The following DEUP1 variants were observed in gnomAD, a reference collection of about 807,000 sequenced individuals.
DEUP1 encodes deuterosome assembly protein 1.
A neutral mutation model predicts 87.4 loss-of-function variants in DEUP1; 82 were observed. That is an observed-to-expected ratio of 0.94 (90% CI 0.78 to 1.13). The LOEUF is 1.13. DEUP1 is among the 50% of genes most tolerant of loss of function. The pLI is 0.00. For missense variants in DEUP1, 663 were observed against 681.5 expected, an observed-to-expected ratio of 0.97 and a Z score of 0.30; for synonymous variants, 214 against 222.7, an observed-to-expected ratio of 0.96 and a Z score of 0.35.
chr11:93,363,375 T>C (rs1945269710), intron 4 of DEUP1, among the ~76,000 whole-genome samples: 1 of 151,858 alleles, frequency 6.6e-6, no homozygotes, highest in Non-Finnish European at 1.5e-5. Context: ...CCAATTTCAA[T>C]TTCCTGGGTT....
Position 93,371,071 on chromosome 11 carries a change from G to A in DEUP1, c.580G>A (p.Gly194Ser). The change falls in exon 7 of 14, where the codon GGT (glycine) becomes AGT (serine). Residue 194 changes from glycine (G) to serine (S), a missense_variant. Coordinates refer to ENST00000298050, the MANE Select transcript of DEUP1 (RefSeq NM_181645.4). ...ACAAAGTTACCAAACTCAACTAAAT[G>A]GTAAAAAACAGTGCTTAGAAGACAG... ...QAQSYQTQLNGKKQCLEDSSS... is the reference protein window; with the variant it reads ...QAQSYQTQLNSKKQCLEDSSS... 1 of 1,611,696 alleles carries A rather than the reference G, an allele frequency of 6.2e-7. No individual in the cohort carries two copies. Among genetic ancestry groups the A allele is most frequent in the African/African-American group, 1.3e-5 (1 of 74,932 alleles).
intron 12 of DEUP1, among the ~76,000 whole-genome samples, chr11:93,412,525 T>A (rs1197103380): frequency 6.6e-6 from 1 of 152,196 alleles, no homozygotes; most frequent in Non-Finnish European, 1.5e-5. Context: ...ATTTTATTGA[T>A]CTTACACTAA....
chr11:93,373,604 T>TG (rs1491160927), intron 7 of DEUP1, among the ~76,000 whole-genome samples: 1 of 105,944 alleles, frequency 9.4e-6, no homozygotes, highest in Non-Finnish European at 1.9e-5. Context: ...CGTATATATA[T>TG]TTATATATGT....
chr11:93,380,656 G>C (rs189257044), intron 7 of DEUP1, among the ~76,000 whole-genome samples: 1 of 152,174 alleles, frequency 6.6e-6, no homozygotes, highest in East Asian at 1.9e-4. Flanking sequence ...ACCCACCTTG[G>C]CCTCCCAAAG....
chr11:93,379,561 G>C (rs1869913), intron 7 of DEUP1, among the ~76,000 whole-genome samples: 67,095 of 151,956 alleles, frequency 0.44, 15,608 homozygotes, highest in Admixed American at 0.6. Flanking sequence ...AGGAGAGGGA[G>C]AGTGCATGCA....
intron 13 of DEUP1, among the ~76,000 whole-genome samples, chr11:93,436,993 T>C (rs1223489924): frequency 6.6e-6 from 1 of 152,160 alleles, no homozygotes; most frequent in Non-Finnish European, 1.5e-5. Flanking sequence ...TGATACTTTC[T>C]TCTCTGTGAT....
At chr11:93,361,618 TA>T (rs1001645172) in intron 4 of DEUP1, among the ~76,000 whole-genome samples, 1 of 151,472 alleles carries the variant, frequency 6.6e-6, no homozygotes, top group African/African-American at 2.4e-5. Flanking sequence ...CAGCAACCAC[TA>T]AAAAAGATCT....
chr11:93,419,307 C>G (rs925812472), intron 13 of DEUP1, among the ~76,000 whole-genome samples: 10 of 152,236 alleles, frequency 6.6e-5, no homozygotes, highest in African/African-American at 2.2e-4. Flanking sequence ...TTCAGCAAGA[C>G]AATTAAAGGC....
In DEUP1 at chr11:93,414,897, G is replaced by A; in HGVS notation, c.1524-103G>A. The A allele has an allele frequency of 9.3e-6, 5 of 537,530 alleles. No homozygotes were observed. The South Asian group carries it at 2.5e-4, about 27-fold the overall frequency. 33.3% of individuals were successfully genotyped at this position (537,530 alleles called of 1,614,324 possible). A position where few individuals can be genotyped will look rare whatever the true frequency, so the allele number is the denominator to read the frequency against. ...AGGTAACAAGCCCAAACATTTTGTT[G>A]TGCTTTCCCCCTACTTGGACATCTG... is the stretch of plus-strand genomic sequence containing the variant. On this transcript the variant is annotated intron_variant, in intron 12 of 13. Coordinates refer to ENST00000298050, the MANE Select transcript of DEUP1 (RefSeq NM_181645.4).
chr11:93,354,924 G>A (rs1006389419), intron 2 of DEUP1, among the ~76,000 whole-genome samples: 4 of 152,098 alleles, frequency 2.6e-5, no homozygotes, highest in Non-Finnish European at 5.9e-5. Flanking sequence ...TCTCCTTGAG[G>A]AGCCATACTA....
chr11:93,429,037 C>T (rs996133616), intron 13 of DEUP1, among the ~76,000 whole-genome samples: 5 of 152,100 alleles, frequency 3.3e-5, no homozygotes, highest in South Asian at 4.2e-4. Context: ...ATAAAATATC[C>T]GTTCAATTTC....
intron 13 of DEUP1, among the ~76,000 whole-genome samples, chr11:93,432,778 A>G (rs1163351131): frequency 1.3e-5 from 2 of 152,190 alleles, no homozygotes; most frequent in African/African-American, 4.8e-5. Flanking sequence ...AAGAGTCTAA[A>G]TGAGGTCAGA....
intron 2 of DEUP1, among the ~76,000 whole-genome samples, chr11:93,344,497 T>G (rs1944237512): frequency 1.3e-5 from 2 of 151,934 alleles, no homozygotes; most frequent in African/African-American, 4.8e-5. Context: ...TGCTTCTTTC[T>G]TCCTAATTCC....
intron 6 of DEUP1, 88 bp from the exon 7 acceptor site, chr11:93,370,950 T>C (rs1945689425): frequency 8.7e-7 from 1 of 1,147,702 alleles, no homozygotes; most frequent in Non-Finnish European, 1.2e-6. Flanking sequence ...AAGATATTCC[T>C]ACTAATTCTT....
At chr11:93,341,761 T>C (rs1219760310) in intron 2 of DEUP1, among the ~76,000 whole-genome samples, 5 of 152,166 alleles carry the variant, frequency 3.3e-5, no homozygotes, top group East Asian at 1.9e-4. Context: ...GTTATTATAA[T>C]AAATTGCCAC....
At chr11:93,369,484 A>G (rs553251131) in intron 5 of DEUP1, among the ~76,000 whole-genome samples, 3 of 152,098 alleles carry the variant, frequency 2.0e-5, no homozygotes, top group Non-Finnish European at 4.4e-5. Context: ...AAATTCCCTT[A>G]TTAGTAATAA....
chr11:93,437,212 C>G (rs1273629876), intron 13 of DEUP1, among the ~76,000 whole-genome samples: 1 of 152,200 alleles, frequency 6.6e-6, no homozygotes, highest in African/African-American at 2.4e-5. Context: ...TGCCTATTTT[C>G]AAATGAAAAT....
intron 7 of DEUP1, among the ~76,000 whole-genome samples, chr11:93,375,982 C>T (rs770364298): frequency 2.0e-5 from 3 of 152,150 alleles, no homozygotes; most frequent in East Asian, 3.8e-4. Context: ...CAGTGTCTCA[C>T]TCTGTTCCCC....
intron 6 of DEUP1, among the ~76,000 whole-genome samples, chr11:93,370,722 T>A (rs1945673345): frequency 6.6e-6 from 1 of 152,226 alleles, no homozygotes; most frequent in South Asian, 2.1e-4. Context: ...GGTTATAGAC[T>A]TTTTTCAACC....
Sources: gnomAD v4.1 joint callset for allele counts (sites outside exome capture counted in the v4.1 genomes callset) on GRCh38, gnomAD v4.1.1 for gene constraint, MANE v1.5 for transcripts, NCBI Gene and HGNC (gene_info 2026-07-23, HGNC 2026-07-21) for gene names.